RASGRF2: variants seen among roughly 807,000 people sequenced by gnomAD.
RASGRF2 encodes ras-specific guanine nucleotide-releasing factor 2.
A neutral mutation model predicts 151.0 loss-of-function variants in RASGRF2; 76 were observed. The observed-to-expected ratio is 0.50, with a 90% CI of 0.42 to 0.61. The LOEUF is 0.61. Ranked by LOEUF, RASGRF2 falls within the 20% of genes least tolerant of loss-of-function variation. RASGRF2 has a pLI of 0.00. For synonymous variants in RASGRF2, 504 were observed against 566.5 expected (o/e 0.89, Z 1.57); for missense variants, 1,148 against 1,564.6 (o/e 0.73, Z 4.49).
At chr5:81,092,013 A>G (rs1451400320) in intron 9 of RASGRF2, among the ~76,000 whole-genome samples, 1 of 152,170 alleles carries the variant, frequency 6.6e-6, no homozygotes, top group Admixed American at 6.5e-5. Flanking sequence ...TTGATATTTA[A>G]CTTAGATTGG....
intron 18 of RASGRF2, among the ~76,000 whole-genome samples, chr5:81,191,069 C>T (rs1418427050): frequency 6.6e-6 from 1 of 152,162 alleles, no homozygotes; most frequent in Non-Finnish European, 1.5e-5. Flanking sequence ...GGCATGCAAC[C>T]CTCAGCATGG....
rs1226575337 is a variant in RASGRF2, at chr5:81,080,054, C to T, written c.888-67C>T. On this transcript the variant is annotated intron_variant, in intron 5 of 26. Transcript: ENST00000265080. ...TATGTATATATTAAGGCTTTAAGGACTCTGGATTTTAAACAAAATAAACAC... is the reference window on the plus strand; with the variant it reads ...TATGTATATATTAAGGCTTTAAGGATTCTGGATTTTAAACAAAATAAACAC... The T allele has an allele frequency of 3.3e-6, 5 of 1,537,222 alleles. No individual in the cohort carries two copies. In the African/African-American group the frequency reaches 4.3e-5, roughly 13 times the overall value.
In RASGRF2 at chr5:81,229,962, A is replaced by G. The variant is rs968544241; in HGVS notation, c.*4192A>G. On this transcript the variant is annotated 3_prime_UTR_variant, in exon 27 of 27. Transcript: ENST00000265080. The stretch of plus-strand genomic sequence containing the variant: ...TCTCTTTTGTAGAGGATTTCAATGT[A>G]TTTCTTTATCATTTGAGTGTGTGTG... The G allele has an allele frequency of 4.6e-5, 7 of 152,156 alleles. No individual in the cohort carries two copies. The highest frequency in any genetic ancestry group is 1.7e-4 in the African/African-American group (7 of 41,434). 9.4% of individuals were successfully genotyped at this position (152,156 alleles called of 1,614,324 possible).
chr5:80,983,469 C>G (rs1748378174), intron 1 of RASGRF2, among the ~76,000 whole-genome samples: 1 of 152,240 alleles, frequency 6.6e-6, no homozygotes, highest in Admixed American at 6.5e-5. Flanking sequence ...CTGAGGATGT[C>G]TCTATCTGAG....
intron 3 of RASGRF2, chr5:81,070,137 C>A: frequency 4.0e-6 from 1 of 249,408 alleles, no homozygotes; most frequent in Non-Finnish European, 8.0e-6. Context: ...GACCACAGGA[C>A]ATTGCAGGCA....
At chr5:81,108,038 CT>C (rs1166309488) in intron 12 of RASGRF2, among the ~76,000 whole-genome samples, 1 of 152,226 alleles carries the variant, frequency 6.6e-6, no homozygotes, top group Non-Finnish European at 1.5e-5. Flanking sequence ...CATATTCACT[CT>C]TTTATTAGAA....
intron 17 of RASGRF2, among the ~76,000 whole-genome samples, chr5:81,167,708 A>G (rs1754545547): frequency 2.0e-5 from 3 of 152,170 alleles, no homozygotes; most frequent in South Asian, 2.1e-4. Context: ...TCCAGGGCAC[A>G]TGAGGAAAAG....
chr5:81,094,440 T>C, intron 11 of RASGRF2, 78 bp downstream of exon 11: 1 of 1,341,570 alleles, frequency 7.5e-7, no homozygotes, highest in East Asian at 2.5e-5. Context: ...CTCCCTAAAG[T>C]CATTTATGTA....
chr5:81,052,344 A>C (rs749804999), intron 2 of RASGRF2, among the ~76,000 whole-genome samples: 8 of 152,190 alleles, frequency 5.3e-5, no homozygotes, highest in African/African-American at 1.7e-4. Flanking sequence ...GCCTGCTTTT[A>C]TATTTAATTG....
intron 1 of RASGRF2, among the ~76,000 whole-genome samples, chr5:80,969,832 T>G (rs1747870540): frequency 7.2e-6 from 1 of 139,400 alleles, no homozygotes; most frequent in South Asian, 2.4e-4. Context: ...TTTTTTTTTT[T>G]TTTTTTTTTT....
chr5:81,014,598 C>A (rs539910599), intron 1 of RASGRF2, among the ~76,000 whole-genome samples: 1 of 152,296 alleles, frequency 6.6e-6, no homozygotes, highest in South Asian at 2.1e-4. Flanking sequence ...CACATCAACA[C>A]CCAGTCACCA....
At chr5:81,131,685 G>GAAAAA (rs796624027) in intron 17 of RASGRF2, among the ~76,000 whole-genome samples, 1 of 126,290 alleles carries the variant, frequency 7.9e-6, no homozygotes, top group Non-Finnish European at 1.8e-5. Context: ...TAAAAGAAAA[G>GAAAAA]AAAAAAAAAA....
At chr5:81,187,890 A>G (rs1419051184) in intron 18 of RASGRF2, among the ~76,000 whole-genome samples, 1 of 152,226 alleles carries the variant, frequency 6.6e-6, no homozygotes, top group Non-Finnish European at 1.5e-5. Context: ...AGTGAAACAC[A>G]AAATTCAGTG....
At chr5:80,967,163 T>C (rs1454638904) in intron 1 of RASGRF2, among the ~76,000 whole-genome samples, 1 of 152,102 alleles carries the variant, frequency 6.6e-6, no homozygotes, top group African/African-American at 2.4e-5. Flanking sequence ...TCGAGGCAGG[T>C]GGATCACCTG....
chr5:81,121,294 T>C (rs1753301565), intron 15 of RASGRF2, among the ~76,000 whole-genome samples: 1 of 152,190 alleles, frequency 6.6e-6, no homozygotes, highest in East Asian at 1.9e-4. Context: ...GCCAAGAACT[T>C]ACACATTTTC....
At chr5:81,164,487 A>G (rs1394883953) in intron 17 of RASGRF2, among the ~76,000 whole-genome samples, 2 of 152,058 alleles carry the variant, frequency 1.3e-5, no homozygotes, top group Non-Finnish European at 2.9e-5. Flanking sequence ...AAGTTTAAGA[A>G]TGAATATGGT....
At chr5:81,137,830 C>A (rs748790414) in intron 17 of RASGRF2, among the ~76,000 whole-genome samples, 6 of 152,200 alleles carry the variant, frequency 3.9e-5, no homozygotes, top group Non-Finnish European at 8.8e-5. Flanking sequence ...GCAGCCTGAA[C>A]AAATTACTAA....
intron 15 of RASGRF2, among the ~76,000 whole-genome samples, chr5:81,115,126 A>G (rs1753116048): frequency 6.6e-6 from 1 of 152,186 alleles, no homozygotes; most frequent in South Asian, 2.1e-4. Context: ...TTCAAGGTGG[A>G]TTGCCCAGAT....
intron 9 of RASGRF2, 163 bp downstream of exon 9, chr5:81,087,116 G>A (rs530045846): frequency 1.4e-6 from 1 of 731,956 alleles, no homozygotes; most frequent in South Asian, 1.4e-5. Context: ...CCTTTGTGCT[G>A]TTTCTTTTCA....
Sources: allele counts gnomAD v4.1 joint callset (sites outside exome capture counted in the v4.1 genomes callset), GRCh38; gene constraint gnomAD v4.1.1; transcripts MANE v1.5; gene names NCBI Gene and HGNC (gene_info 2026-07-23, HGNC 2026-07-21).